FNIP1: variants seen among roughly 807,000 people sequenced by gnomAD.
The protein encoded by FNIP1 is folliculin-interacting protein 1.
A neutral mutation model predicts 124.5 loss-of-function variants in FNIP1; 40 were observed. That is an observed-to-expected ratio of 0.32 (90% CI 0.25 to 0.42). The LOEUF is 0.42. FNIP1 is among the 10% of genes least tolerant of loss of function. FNIP1 has a pLI of 1.00. For synonymous variants in FNIP1, 472 were observed against 470.6 expected (o/e 1.00, Z -0.04); for missense variants, 1,176 against 1,403.7 (o/e 0.84, Z 2.59).
chr5:131,690,968 A>C (rs1056714546), intron 11 of FNIP1, among the ~76,000 whole-genome samples: 12 of 152,338 alleles, frequency 7.9e-5, no homozygotes, highest in Admixed American at 7.2e-4. Flanking sequence ...AAAATTAGTA[A>C]GGATATAATA....
intron 9 of FNIP1, among the ~76,000 whole-genome samples, 185 bp from the exon 10 acceptor site, chr5:131,704,451 GT>G (rs752199819): frequency 1.3e-5 from 2 of 152,048 alleles, no homozygotes; most frequent in Non-Finnish European, 2.9e-5. Context: ...TCATGTTCTT[GT>G]AAGAAATTTT....
chr5:131,717,717 T>C (rs1479614459), intron 5 of FNIP1, among the ~76,000 whole-genome samples: 4 of 152,220 alleles, frequency 2.6e-5, no homozygotes, highest in African/African-American at 9.6e-5. Context: ...CTAGAGATTT[T>C]AGGAATTATC....
intron 2 of FNIP1, among the ~76,000 whole-genome samples, chr5:131,737,306 G>A (rs1770346099): frequency 1.3e-5 from 2 of 152,188 alleles, no homozygotes; most frequent in Admixed American, 6.5e-5. Flanking sequence ...AACAACAGCT[G>A]AGGAGCTGAT....
intron 1 of FNIP1, among the ~76,000 whole-genome samples, chr5:131,751,055 T>A (rs1418402362): frequency 6.6e-6 from 1 of 152,152 alleles, no homozygotes; most frequent in Non-Finnish European, 1.5e-5. Context: ...ACCCAAAGAA[T>A]AAAATCCAAG....
rs879097573 is a variant in FNIP1 at position 131,778,913 on chromosome 5, G to A, written c.92+17917C>T. Among the ~76,000 whole-genome samples the A allele has an allele frequency of 5.0e-3, 591 of 118,294 alleles. 8 individuals carry two copies. The highest frequency in any genetic ancestry group is 0.018 in the African/African-American group (542 of 30,620). 77.6% of individuals were successfully genotyped at this position (118,294 alleles called of 152,430 possible). On this transcript the variant is annotated intron_variant, in intron 1 of 17. Transcript: ENST00000510461. The stretch of plus-strand genomic sequence containing the variant: ...TCGCAAGAACAAAAAACCAAACACC[G>A]CATATTCTCACTCATAGGTGGGAAT...
chr5:131,793,135 CA>C (rs1772463726), intron 1 of FNIP1, among the ~76,000 whole-genome samples: 1 of 152,140 alleles, frequency 6.6e-6, no homozygotes, highest in African/African-American at 2.4e-5. Context: ...CCAGGCTAAG[CA>C]ACCTCCCACC....
chr5:131,654,170 C>T (rs1280770235), intron 15 of FNIP1, among the ~76,000 whole-genome samples: 1 of 152,220 alleles, frequency 6.6e-6, no homozygotes, highest in East Asian at 1.9e-4. Flanking sequence ...ATGTCCTTAC[C>T]TTCCCCCGGT....
chr5:131,664,634 CAA>C (rs33956526), intron 15 of FNIP1, among the ~76,000 whole-genome samples: 3 of 77,456 alleles, frequency 3.9e-5, no homozygotes, highest in African/African-American at 5.3e-5. Flanking sequence ...GACCCTGTCT[CAA>C]AAAAAAAAAA....
At chr5:131,779,470 G>A (rs1487736304) in intron 1 of FNIP1, among the ~76,000 whole-genome samples, 1 of 151,766 alleles carries the variant, frequency 6.6e-6, no homozygotes, top group Non-Finnish European at 1.5e-5. Context: ...ACAAGGTCAG[G>A]AGATCGAGAC....
In FNIP1 at chr5:131,747,902, T is replaced by C. The variant is rs75655828; in HGVS notation, c.93-3212A>G. Among the ~76,000 whole-genome samples the C allele has an allele frequency of 2.0e-3, 307 of 151,896 alleles. 3 individuals carry two copies. The highest frequency in any genetic ancestry group is 7.1e-3 in the African/African-American group (295 of 41,424). On this transcript the variant is annotated intron_variant, in intron 1 of 17. Coordinates refer to ENST00000510461, the MANE Select transcript of FNIP1 (RefSeq NM_133372.3). ...GAGAAATACAAGGCCTCTGAGGAAG[T>C]AGAGAACAGGATATAGAGCACAAGT...
At chr5:131,735,260 G>T (rs968333513) in intron 2 of FNIP1, among the ~76,000 whole-genome samples, 1 of 152,026 alleles carries the variant, frequency 6.6e-6, no homozygotes, top group African/African-American at 2.4e-5. Context: ...ATTGAACAAT[G>T]AGAACACTTG....
At position 131,672,859 on chromosome 5, in the gene FNIP1, G is replaced by C. The variant is rs1457075709; in HGVS notation, c.1585C>G (p.Gln529Glu). ...LARTVVVGKR[Q>E]DMVQRLLYFL... ...TAAAGTAGCCTCTGGACCATGTCTT[G>C]TCGTTTGCCAACTACCACAGTCCTT... Residue 529 changes from glutamine (Q) to glutamate (E), a missense_variant, in exon 14 of 18, where the codon CAA (glutamine) becomes GAA (glutamate). Transcript: ENST00000510461. 5 of 1,605,948 alleles carry C rather than the reference G, an allele frequency of 3.1e-6. No individual in the cohort carries two copies. In the African/African-American group the frequency reaches 5.4e-5, roughly 17 times the overall value.
chr5:131,644,783 A>C lies in FNIP1; in HGVS notation c.3423-20T>G. 2 of 1,612,584 alleles carry C rather than the reference A, an allele frequency of 1.2e-6. No homozygotes were observed. Among genetic ancestry groups the C allele is most frequent in the Non-Finnish European group, 1.7e-6 (2 of 1,178,986 alleles). ...TCAATCCTGAAATAAAGGGGAAAAA[A>C]ATGTCAGTTTTGATTTTCTGTACTG... On this transcript the variant is annotated intron_variant, in intron 17 of 17. Coordinates refer to ENST00000510461, the MANE Select transcript of FNIP1 (RefSeq NM_133372.3).
At chr5:131,653,276 G>A (rs906188973) in intron 15 of FNIP1, among the ~76,000 whole-genome samples, 3 of 151,928 alleles carry the variant, frequency 2.0e-5, no homozygotes, top group Admixed American at 1.3e-4. Context: ...GGTAGTTCAC[G>A]CCTATAATGC....
chr5:131,778,763 T>C (rs1771897350), intron 1 of FNIP1, among the ~76,000 whole-genome samples: 1 of 122,558 alleles, frequency 8.2e-6, no homozygotes, highest in African/African-American at 3.2e-5. Context: ...CCAACAATGA[T>C]AGACTGGATT....
At chr5:131,674,672 C>T (rs899594729) in intron 13 of FNIP1, among the ~76,000 whole-genome samples, 3 of 151,976 alleles carry the variant, frequency 2.0e-5, no homozygotes, top group East Asian at 1.9e-4. Flanking sequence ...GAGCTGTGAT[C>T]GCACCACCAC....
chr5:131,722,734 G>A (rs1474109930), intron 3 of FNIP1, among the ~76,000 whole-genome samples: 1 of 152,156 alleles, frequency 6.6e-6, no homozygotes, highest in Non-Finnish European at 1.5e-5. Flanking sequence ...CGCCCAGGCT[G>A]GAGTGCAATG....
intron 2 of FNIP1, among the ~76,000 whole-genome samples, chr5:131,731,930 C>T (rs1176401762): frequency 1.3e-5 from 2 of 152,188 alleles, no homozygotes; most frequent in Non-Finnish European, 2.9e-5. Flanking sequence ...TTTAACTATA[C>T]ATATGTTTAT....
In FNIP1 at chr5:131,672,053, A is replaced by G. The variant is rs75277328; in HGVS notation, c.2391T>C (p.Thr797=). 1.2e-4 allele frequency: 189 copies of G among 1,614,140 alleles called. 3 individuals are homozygous for G. The East Asian group carries it at 4.1e-3, about 35-fold the overall frequency. The part of the protein sequence containing the change: ...ERGAIDQHQE[T]KQTTKDQSGE... ...CAGATTGGTCCTTGGTTGTTTGTTT[A>G]GTTTCTTGATGCTGATCAATAGCCC... The change falls in exon 14 of 18, where the codon ACT becomes ACC. Residue 797 remains threonine (T), a synonymous_variant. Coordinates refer to ENST00000510461, the MANE Select transcript of FNIP1 (RefSeq NM_133372.3).
Sources: gnomAD v4.1 joint callset for allele counts (sites outside exome capture counted in the v4.1 genomes callset) on GRCh38, gnomAD v4.1.1 for gene constraint, MANE v1.5 for transcripts, NCBI Gene and HGNC (gene_info 2026-07-23, HGNC 2026-07-21) for gene names.